The following GRM3 variants were observed in gnomAD, a reference collection of about 807,000 sequenced individuals.
GRM3 encodes the protein metabotropic glutamate receptor 3.
Under a neutral mutation model 70.5 loss-of-function variants are expected in GRM3, and 26 were observed. The ratio of observed to expected loss-of-function variants is 0.37; its 90% CI spans 0.27 to 0.51. The LOEUF is 0.51. Among genes scored for constraint, GRM3 ranks in the 20% least tolerant of loss-of-function variants. The pLI is 0.93. For missense variants in GRM3, 859 were observed against 1,123.8 expected, an observed-to-expected ratio of 0.76 and a Z score of 3.37; for synonymous variants, 443 against 434.9, an observed-to-expected ratio of 1.02 and a Z score of -0.23.
Position 86,765,290 on chromosome 7 carries a change from G to A in GRM3, c.145G>A (p.Glu49Lys), listed in dbSNP as rs267601603. Residue 49 changes from glutamate to lysine, a missense_variant, in exon 2 of 6, where the codon GAA becomes AAA. Transcript: ENST00000361669. ...LVLGGLFPIN[E>K]KGTGTEECGR... ...TTTAGGGGGCCTGTTTCCTATTAACGAAAAAGGCACTGGAACTGAAGAATG... is the reference window on the plus strand; with the variant it reads ...TTTAGGGGGCCTGTTTCCTATTAACAAAAAAGGCACTGGAACTGAAGAATG... 3 of 1,613,748 alleles carry A rather than the reference G, an allele frequency of 1.9e-6. No homozygotes were observed. The highest frequency in any genetic ancestry group is 1.1e-5 in the South Asian group (1 of 91,068).
In GRM3 at chr7:86,786,326, C is replaced by A. The variant is rs1362649251; in HGVS notation, c.534C>A (p.Leu178=). ...GCTACGCATCCACCAGCGCCAAACT[C>A]AGTGATAAGTCGCGCTATGATTACT... The part of the protein sequence containing the change: ...QISYASTSAK[L]SDKSRYDYFA... The change falls in exon 3 of 6, where the codon CTC becomes CTA. Residue 178 remains leucine, a synonymous_variant. Transcript: ENST00000361669. This position sits in a 1 kb window ranked among gnomAD's most constrained non-coding sequence, Gnocchi z 6.0. 1 of 1,614,188 alleles carries A rather than the reference C, an allele frequency of 6.2e-7. No individual in the cohort carries two copies. The highest frequency in any genetic ancestry group is 1.3e-5 in the African/African-American group (1 of 75,060).
chr7:86,708,710 G>A (rs1795115633), intron 1 of GRM3, among the ~76,000 whole-genome samples: 1 of 152,088 alleles, frequency 6.6e-6, no homozygotes, highest in Non-Finnish European at 1.5e-5. Flanking sequence ...AATTCACCCA[G>A]AAGCAAATCA....
intron 3 of GRM3, among the ~76,000 whole-genome samples, chr7:86,824,063 C>T (rs910696061): frequency 9.2e-5 from 14 of 152,128 alleles, no homozygotes; most frequent in Non-Finnish European, 1.8e-4. Flanking sequence ...CGCATGAAGA[C>T]GACCAAGGCC....
intron 1 of GRM3, among the ~76,000 whole-genome samples, chr7:86,675,778 C>T (rs1398715894): frequency 6.6e-6 from 1 of 151,996 alleles, no homozygotes; most frequent in Admixed American, 6.6e-5. Context: ...CTAAAAGAAG[C>T]ATTGCATGTA....
intron 1 of GRM3, among the ~76,000 whole-genome samples, chr7:86,652,970 A>G (rs948950272): frequency 2.6e-5 from 4 of 152,218 alleles, no homozygotes; most frequent in Admixed American, 2.6e-4. Flanking sequence ...TTGGGATTTG[A>G]GAAACATTGT....
chr7:86,794,207 G>A (rs1271233671), intron 3 of GRM3, among the ~76,000 whole-genome samples: 1 of 152,016 alleles, frequency 6.6e-6, no homozygotes, highest in Non-Finnish European at 1.5e-5. Flanking sequence ...CTTTGTCATA[G>A]TAGAGTTAAA....
chr7:86,704,874 G>C (rs139664296), intron 1 of GRM3, among the ~76,000 whole-genome samples: 1 of 151,702 alleles, frequency 6.6e-6, no homozygotes, highest in Non-Finnish European at 1.5e-5. Flanking sequence ...ATTCTCAAAG[G>C]CTTGGGGTTT....
chr7:86,700,812 T>C (rs910030794), intron 1 of GRM3, among the ~76,000 whole-genome samples: 1 of 151,926 alleles, frequency 6.6e-6, no homozygotes, highest in African/African-American at 2.4e-5. Flanking sequence ...TGTGTTCTAC[T>C]TGGTGGCTGG....
chr7:86,783,065 G>A (rs983372891), intron 2 of GRM3, among the ~76,000 whole-genome samples: 4 of 152,104 alleles, frequency 2.6e-5, no homozygotes, highest in Admixed American at 6.5e-5. Context: ...AAACCATATG[G>A]CCAGTAAAGT....
At chr7:86,798,514 G>A (rs1797608918) in intron 3 of GRM3, among the ~76,000 whole-genome samples, 1 of 152,158 alleles carries the variant, frequency 6.6e-6, no homozygotes, top group Non-Finnish European at 1.5e-5. Context: ...TTTGAAATGG[G>A]TGTGTATAAC....
intron 1 of GRM3, among the ~76,000 whole-genome samples, chr7:86,742,007 C>T (rs769901120): frequency 4.6e-4 from 70 of 152,152 alleles, no homozygotes; most frequent in South Asian, 2.1e-4. Flanking sequence ...AGCTGCTATT[C>T]AGGCAGGGCT....
chr7:86,650,498 C>T (rs978258052), intron 1 of GRM3, among the ~76,000 whole-genome samples: 1 of 152,102 alleles, frequency 6.6e-6, no homozygotes, highest in African/African-American at 2.4e-5. Context: ...TAGACTTCCC[C>T]AGGCTCAAGA....
At chr7:86,833,124 C>A in intron 3 of GRM3, 1 of 980,722 alleles carries the variant, frequency 1.0e-6, no homozygotes, top group Non-Finnish European at 1.2e-6. Context: ...ACTTGAGAAA[C>A]AGCAAATTCC....
intron 1 of GRM3, among the ~76,000 whole-genome samples, chr7:86,685,577 A>T (rs1794543808): frequency 6.6e-6 from 1 of 152,158 alleles, no homozygotes; most frequent in African/African-American, 2.4e-5. Flanking sequence ...GACCTGAACT[A>T]GTTCATTCTC....
intron 3 of GRM3, among the ~76,000 whole-genome samples, chr7:86,832,376 A>G (rs975371762): frequency 6.7e-6 from 1 of 148,654 alleles, no homozygotes; most frequent in Non-Finnish European, 1.5e-5. Context: ...TCAGCCTCCC[A>G]AGGAGCTGGG....
chr7:86,775,394 T>C (rs935203559), intron 2 of GRM3: 2 of 152,112 alleles, frequency 1.3e-5, no homozygotes, highest in Non-Finnish European at 2.9e-5. Flanking sequence ...ATATTTATAT[T>C]ATCAACTTAC....
At chr7:86,794,232 C>T (rs1339940329) in intron 3 of GRM3, among the ~76,000 whole-genome samples, 3 of 151,956 alleles carry the variant, frequency 2.0e-5, no homozygotes, top group African/African-American at 4.8e-5. Flanking sequence ...TAGTTTTTTC[C>T]ACTTCTGTAT....
chr7:86,728,723 G>A (rs1795650207), intron 1 of GRM3, among the ~76,000 whole-genome samples: 1 of 152,056 alleles, frequency 6.6e-6, no homozygotes, highest in Non-Finnish European at 1.5e-5. Context: ...CACAGAGCAG[G>A]GCATCTATGT....
At chr7:86,823,275 G>C (rs1021343010) in intron 3 of GRM3, among the ~76,000 whole-genome samples, 1 of 152,204 alleles carries the variant, frequency 6.6e-6, no homozygotes, top group Admixed American at 6.5e-5. Context: ...ATCTAGTTGA[G>C]AGGCAAAGAT....
Sources: allele counts gnomAD v4.1 joint callset (sites outside exome capture counted in the v4.1 genomes callset), GRCh38; gene constraint gnomAD v4.1.1; non-coding constraint Gnocchi (gnomAD v3.1); transcripts MANE v1.5; gene names NCBI Gene and HGNC (gene_info 2026-07-23, HGNC 2026-07-21).